TECRL: variants seen among roughly 807,000 people sequenced by gnomAD.
TECRL encodes the protein trans-2,3-enoyl-CoA reductase like, also known as trans-2,3-enoyl-CoA reductase-like.
In TECRL, 63 loss-of-function variants were observed where a neutral mutation model predicts 52.8. That is an observed-to-expected ratio of 1.19 (90% confidence interval 0.97 to 1.47). The LOEUF (loss-of-function observed/expected upper bound fraction) is 1.47. TECRL is among the 40% of genes most tolerant of loss of function. TECRL has a pLI of 0.00. For synonymous variants in TECRL, 164 were observed against 141.9 expected, an observed-to-expected ratio of 1.16 and a Z score of -1.10; for missense variants, 482 against 429.6, an observed-to-expected ratio of 1.12 and a Z score of -1.08.
intron 2 of TECRL, among the ~76,000 whole-genome samples, chr4:64,339,445 A>AAT (rs530691690): frequency 0.039 from 5,854 of 149,758 alleles, 182 homozygotes; most frequent in African/African-American, 0.089. Context: ...GTATAATAAA[A>AAT]ATATATATAT....
At chr4:64,406,784 G>A (rs1724757007) in intron 1 of TECRL, among the ~76,000 whole-genome samples, 1 of 151,984 alleles carries the variant, frequency 6.6e-6, no homozygotes, top group South Asian at 2.1e-4. Context: ...TACATGGTAT[G>A]TAAATTGTAC....
chr4:64,378,787 A>T, intron 1 of TECRL, among the ~76,000 whole-genome samples: 1 of 152,072 alleles, frequency 6.6e-6, no homozygotes, highest in East Asian at 1.9e-4. Context: ...TTTAAATTTT[A>T]ACTGAATTAT....
intron 8 of TECRL, among the ~76,000 whole-genome samples, chr4:64,297,499 A>T (rs1723756019): frequency 6.6e-6 from 1 of 151,000 alleles, no homozygotes; most frequent in Non-Finnish European, 1.5e-5. Context: ...CATATTATAT[A>T]AGATCGATCC....
chr4:64,317,382 T>G (rs929732071), intron 4 of TECRL, among the ~76,000 whole-genome samples: 29 of 152,174 alleles, frequency 1.9e-4, no homozygotes, highest in African/African-American at 7.0e-4. Flanking sequence ...TAAACTGTGC[T>G]TAATGCATTT....
At chr4:64,316,506 G>T (rs373309472) in intron 4 of TECRL, among the ~76,000 whole-genome samples, 1 of 152,120 alleles carries the variant, frequency 6.6e-6, no homozygotes. Flanking sequence ...GGGAAAAGAC[G>T]ATTTATTAAA....
At chr4:64,359,135 C>T (rs545870374) in intron 2 of TECRL, among the ~76,000 whole-genome samples, 40 of 151,876 alleles carry the variant, frequency 2.6e-4, no homozygotes, top group African/African-American at 9.2e-4. Flanking sequence ...TATATTACTC[C>T]TCATACACTA....
chr4:64,398,458 G>A (rs1295937101), intron 1 of TECRL, among the ~76,000 whole-genome samples: 1 of 152,054 alleles, frequency 6.6e-6, no homozygotes, highest in Non-Finnish European at 1.5e-5. Flanking sequence ...TTGTTTAAAG[G>A]TGTGTCACAT....
At position 64,279,729 on chromosome 4, in the gene TECRL, G is replaced by A. The variant is rs1364537296; in HGVS notation, c.*343C>T. The A allele has an allele frequency of 1.1e-6, 1 of 922,280 alleles. No individual in the cohort carries two copies. The highest frequency in any genetic ancestry group is 1.9e-5 in the African/African-American group (1 of 51,626). 57.1% of individuals were successfully genotyped at this position (922,280 alleles called of 1,614,324 possible). On this transcript the variant is annotated 3_prime_UTR_variant, in exon 12 of 12. Transcript: ENST00000381210. ...TCTTCCTTTGGGAAATGTCTGTTCA[G>A]ATCGCTTTTTCATTTGTTAATCAGA...
At chr4:64,396,388 A>G (rs1723955706) in intron 1 of TECRL, among the ~76,000 whole-genome samples, 1 of 152,022 alleles carries the variant, frequency 6.6e-6, no homozygotes, top group Non-Finnish European at 1.5e-5. Flanking sequence ...ATGGTTTCTC[A>G]TTGTGGATTT....
chr4:64,403,789 G>C (rs1293093826), intron 1 of TECRL, among the ~76,000 whole-genome samples: 1 of 150,816 alleles, frequency 6.6e-6, no homozygotes, highest in Non-Finnish European at 1.5e-5. Flanking sequence ...AGGGGGCATG[G>C]GGAGGAGGAA....
At chr4:64,328,045 G>T (rs1294387776) in intron 3 of TECRL, among the ~76,000 whole-genome samples, 1 of 151,912 alleles carries the variant, frequency 6.6e-6, no homozygotes, top group Admixed American at 6.6e-5. Flanking sequence ...AATTTCTTGA[G>T]ATCATAGGGT....
At chr4:64,342,575 A>T (rs1719664370) in intron 2 of TECRL, among the ~76,000 whole-genome samples, 1 of 152,096 alleles carries the variant, frequency 6.6e-6, no homozygotes, top group Non-Finnish European at 1.5e-5. Context: ...GTCTGTCCAC[A>T]TTCACTGTGT....
intron 1 of TECRL, among the ~76,000 whole-genome samples, chr4:64,379,612 A>G (rs1722637643): frequency 6.6e-6 from 1 of 152,076 alleles, no homozygotes; most frequent in Non-Finnish European, 1.5e-5. Flanking sequence ...TCTACCCATT[A>G]ACTAACCCCT....
At chr4:64,295,797 A>C (rs1723648032) in intron 8 of TECRL, among the ~76,000 whole-genome samples, 1 of 152,070 alleles carries the variant, frequency 6.6e-6, no homozygotes, top group Non-Finnish European at 1.5e-5. Context: ...TCGTAGCTCA[A>C]AATAGACAAT....
chr4:64,286,881 G>C (rs1723107206), intron 9 of TECRL, among the ~76,000 whole-genome samples: 1 of 152,074 alleles, frequency 6.6e-6, no homozygotes, highest in Non-Finnish European at 1.5e-5. Flanking sequence ...TGATTACATT[G>C]CTAGTCACCT....
At chr4:64,398,920 A>G (rs1190472155) in intron 1 of TECRL, among the ~76,000 whole-genome samples, 2 of 152,164 alleles carry the variant, frequency 1.3e-5, no homozygotes, top group African/African-American at 4.8e-5. Flanking sequence ...GAACTGGATA[A>G]AAGGTCACTT....
At position 64,360,061 on chromosome 4, in the gene TECRL, C is replaced by G. The variant is rs183625010; in HGVS notation, c.286+15111G>C. 1.1e-3 allele frequency among the ~76,000 whole-genome samples: 169 copies of G among 152,218 alleles called. 1 individual carries two copies. Among genetic ancestry groups the G allele is most frequent in the African/African-American group, 4.0e-3 (165 of 41,560 alleles). On this transcript the variant is annotated intron_variant, in intron 2 of 11. Transcript: ENST00000381210. ...ATATATCTTTAGCTGAACTTCAAAACAGAAAACGAGAAATCGTAAGTAACC... is the reference window on the plus strand; with the variant it reads ...ATATATCTTTAGCTGAACTTCAAAAGAGAAAACGAGAAATCGTAAGTAACC...
rs142757149 is a variant in TECRL at position 64,332,299 on chromosome 4, A to G, written c.287-3743T>C. 3.6e-3 allele frequency among the ~76,000 whole-genome samples: 550 copies of G among 152,324 alleles called. 2 individuals carry two copies. Among genetic ancestry groups the G allele is most frequent in the Admixed American group, 8.6e-3 (132 of 15,302 alleles). ...ACCCTTAAATAAGGATGAATCAGAAATCAATCAATTCTTAAAGGAAACTAA... is the reference window on the plus strand; with the variant it reads ...ACCCTTAAATAAGGATGAATCAGAAGTCAATCAATTCTTAAAGGAAACTAA... On this transcript the variant is annotated intron_variant, in intron 2 of 11. Transcript: ENST00000381210.
intron 8 of TECRL, among the ~76,000 whole-genome samples, chr4:64,296,785 G>T (rs1186968994): frequency 6.6e-6 from 1 of 151,426 alleles, no homozygotes; most frequent in Admixed American, 6.6e-5. Flanking sequence ...GATGAGGTGG[G>T]GTCATGGAAA....
Sources: allele counts gnomAD v4.1 joint callset (sites outside exome capture counted in the v4.1 genomes callset), GRCh38; gene constraint gnomAD v4.1.1; transcripts MANE v1.5; gene names NCBI Gene and HGNC (gene_info 2026-07-23, HGNC 2026-07-21).